The following ADCY9 variants were observed in gnomAD, a reference collection of about 807,000 sequenced individuals.
The protein encoded by ADCY9 is adenylate cyclase type 9.
In ADCY9, 50 loss-of-function variants were observed where a neutral mutation model predicts 101.5. The observed-to-expected ratio is 0.49, with a 90% CI of 0.39 to 0.62. The LOEUF (loss-of-function observed/expected upper bound fraction) is 0.62. Among genes scored for constraint, ADCY9 ranks in the 20% least tolerant of loss-of-function variants. The pLI is 0.00. For synonymous variants in ADCY9, 905 were observed against 769.3 expected (o/e 1.18, Z -2.92); for missense variants, 1,662 against 1,800.4 (o/e 0.92, Z 1.39).
chr16:3,954,597 G>A (rs778166686), intron 5 of ADCY9, among the ~76,000 whole-genome samples: 7 of 152,200 alleles, frequency 4.6e-5, no homozygotes, highest in Non-Finnish European at 8.8e-5. Context: ...CAGGAAAAGC[G>A]TCAGAAACGG....
chr16:4,059,379 G>GC (rs34159566), intron 2 of ADCY9, among the ~76,000 whole-genome samples: 91,082 of 118,306 alleles, frequency 0.77, 33,962 homozygotes, highest in African/African-American at 0.81. Context: ...AGAATCCATC[G>GC]AAAAAAAAAA....
intron 2 of ADCY9, among the ~76,000 whole-genome samples, chr16:4,106,737 TG>T (rs2057079878): frequency 6.6e-6 from 1 of 152,248 alleles, no homozygotes; most frequent in African/African-American, 2.4e-5. Context: ...CTGCACACTC[TG>T]TGCCCAGACA....
chr16:4,103,586 T>C (rs2057057477), intron 2 of ADCY9, among the ~76,000 whole-genome samples: 2 of 152,196 alleles, frequency 1.3e-5, no homozygotes, highest in Admixed American at 6.5e-5. Context: ...TCCCAGCATT[T>C]TGTGAGGCCG....
At chr16:4,047,817 C>T (rs2056675674) in intron 2 of ADCY9, among the ~76,000 whole-genome samples, 1 of 152,216 alleles carries the variant, frequency 6.6e-6, no homozygotes, top group Non-Finnish European at 1.5e-5. Context: ...CCTCGGCCTC[C>T]CAAAGTGCTG....
At chr16:3,984,048 C>T (rs1019982871) in intron 6 of ADCY9, 2 of 152,458 alleles carry the variant, frequency 1.3e-5, no homozygotes, top group African/African-American at 2.4e-5. Flanking sequence ...ATGATCACAC[C>T]ACTGCAGAAT....
intron 2 of ADCY9, among the ~76,000 whole-genome samples, chr16:4,094,782 T>A (rs1025851714): frequency 6.6e-6 from 1 of 152,136 alleles, no homozygotes; most frequent in Admixed American, 6.6e-5. Context: ...CTTTCATGTG[T>A]GCTCATCATT....
At position 4,098,975 on chromosome 16, in the gene ADCY9, C is replaced by T. The variant is rs539346865; in HGVS notation, c.1693+14775G>A. On this transcript the variant is annotated intron_variant, in intron 2 of 10. Coordinates refer to ENST00000294016, the MANE Select transcript of ADCY9 (RefSeq NM_001116.4). ...GAGACAGAGTTCTCACCGTGTCACC[C>T]AGGCTGGAGTGCAGTGGTGTGATCT... Among the ~76,000 whole-genome samples the T allele has an allele frequency of 2.0e-5, 3 of 152,220 alleles. No individual in the cohort carries two copies. The South Asian group carries it at 6.2e-4, about 32-fold the overall frequency.
intron 2 of ADCY9, among the ~76,000 whole-genome samples, chr16:4,097,549 A>ATTTTTTT (rs71394654): frequency 1.5e-4 from 7 of 48,222 alleles, no homozygotes; most frequent in South Asian, 5.9e-4. Context: ...ATATATATAT[A>ATTTTTTT]TATATTTTTT....
chr16:4,081,716 G>A (rs962829106), intron 2 of ADCY9, among the ~76,000 whole-genome samples: 5 of 150,124 alleles, frequency 3.3e-5, no homozygotes, highest in African/African-American at 7.4e-5. Flanking sequence ...GGAGGGCGCT[G>A]TGTCTGCAGG....
chr16:4,088,507 C>G (rs1380610097), intron 2 of ADCY9, among the ~76,000 whole-genome samples: 1 of 151,988 alleles, frequency 6.6e-6, no homozygotes, highest in Non-Finnish European at 1.5e-5. Context: ...CCAGGCTGGT[C>G]TTGAACTCCT....
intron 3 of ADCY9, among the ~76,000 whole-genome samples, chr16:4,000,937 G>A (rs1003537681): frequency 7.2e-6 from 1 of 138,348 alleles, no homozygotes; most frequent in Non-Finnish European, 1.5e-5. Context: ...CCAGTTCAAT[G>A]ATTCCGCACA....
At chr16:3,979,378 C>A in intron 7 of ADCY9, 103 bp from the exon 8 acceptor site, 2 of 1,369,316 alleles carry the variant, frequency 1.5e-6, no homozygotes, top group South Asian at 1.3e-5. Context: ...CTGCTCTCTC[C>A]CGTGTTGCCC....
chr16:4,081,612 C>T (rs1215055332), intron 2 of ADCY9, among the ~76,000 whole-genome samples: 1 of 152,194 alleles, frequency 6.6e-6, no homozygotes, highest in East Asian at 1.9e-4. Context: ...TTTTACCTCC[C>T]ACCACATCAA....
chr16:4,076,702 G>C (rs915796124), intron 2 of ADCY9, among the ~76,000 whole-genome samples: 1 of 152,184 alleles, frequency 6.6e-6, no homozygotes, highest in East Asian at 1.9e-4. Flanking sequence ...TAGTTTCAAA[G>C]AGAACCAAAT....
intron 2 of ADCY9, among the ~76,000 whole-genome samples, chr16:4,054,725 C>G (rs1215291455): frequency 1.3e-5 from 2 of 152,082 alleles, no homozygotes; most frequent in African/African-American, 4.8e-5. Context: ...TGCCCGCCAC[C>G]ATGCCCGGCT....
chr16:3,981,596 C>CT (rs920294131), intron 7 of ADCY9, among the ~76,000 whole-genome samples: 4 of 151,828 alleles, frequency 2.6e-5, no homozygotes, highest in African/African-American at 4.8e-5. Context: ...AGCAGATCTT[C>CT]TTTTTTTTCT....
In ADCY9 at chr16:4,007,520, C is replaced by G. The variant is rs758306629; in HGVS notation, c.1732G>C (p.Glu578Gln). ...GCCTCTGCACAGCTGCAGCGAGACT[C>G]CTTGGCTCTCTGACCCGATATCAGG... ...TYLISGQRAK[E>Q]SRCSCAEALL... Residue 578 changes from glutamate to glutamine, a missense_variant, in exon 3 of 11, where the codon GAG becomes CAG. Glu to Gln is a conservative substitution (Grantham distance 29). Transcript: ENST00000294016. The G allele has an allele frequency of 2.5e-6, 4 of 1,612,776 alleles. No individual in the cohort carries two copies. Among genetic ancestry groups the G allele is most frequent in the African/African-American group, 1.3e-5 (1 of 74,796 alleles).
chr16:4,046,465 A>C (rs937434861), intron 2 of ADCY9, among the ~76,000 whole-genome samples: 2 of 152,192 alleles, frequency 1.3e-5, no homozygotes, highest in Non-Finnish European at 2.9e-5. Flanking sequence ...CTAAGCACTG[A>C]TGACAAATGC....
At chr16:4,068,272 A>T (rs2056812361) in intron 2 of ADCY9, among the ~76,000 whole-genome samples, 1 of 152,034 alleles carries the variant, frequency 6.6e-6, no homozygotes, top group Non-Finnish European at 1.5e-5. Flanking sequence ...GAAAACTCAT[A>T]TAATGGCTTT....
Sources: gnomAD v4.1 joint callset for allele counts (sites outside exome capture counted in the v4.1 genomes callset) on GRCh38, gnomAD v4.1.1 for gene constraint, MANE v1.5 for transcripts, NCBI Gene and HGNC (gene_info 2026-07-23, HGNC 2026-07-21) for gene names.